Variants in MDGA2 observed in about 807,000 individuals in gnomAD.
MDGA2 encodes the protein MAM domain-containing glycosylphosphatidylinositol anchor protein 2.
In MDGA2, 40 loss-of-function variants were observed where a neutral mutation model predicts 117.8. The observed-to-expected ratio is 0.34, with a 90% CI of 0.26 to 0.44. The LOEUF (loss-of-function observed/expected upper bound fraction) is 0.44, where lower values mean the gene tolerates loss of function less well. Among genes scored for constraint, MDGA2 ranks in the 20% least tolerant of loss-of-function variants. MDGA2 has a pLI of 1.00. For missense variants in MDGA2, 1,123 were observed against 1,250.6 expected, an observed-to-expected ratio of 0.90 and a Z score of 1.54; for synonymous variants, 452 against 439.0, an observed-to-expected ratio of 1.03 and a Z score of -0.37.
intron 1 of MDGA2, among the ~76,000 whole-genome samples, chr14:47,363,397 A>G (rs1436970792): frequency 6.6e-6 from 1 of 152,058 alleles, no homozygotes; most frequent in African/African-American, 2.4e-5. Flanking sequence ...AGCTGGGATT[A>G]CAGGCACACA....
chr14:46,995,481 T>C (rs969997630), intron 8 of MDGA2, among the ~76,000 whole-genome samples: 2 of 152,170 alleles, frequency 1.3e-5, no homozygotes, highest in Non-Finnish European at 2.9e-5. Context: ...AGGAAGTTAA[T>C]GAATTACAAT....
intron 5 of MDGA2, among the ~76,000 whole-genome samples, chr14:47,113,812 C>G (rs186098860): frequency 6.6e-6 from 1 of 152,066 alleles, no homozygotes; most frequent in Non-Finnish European, 1.5e-5. Context: ...ACTGAATGGG[C>G]AAAAGCTGGA....
intron 6 of MDGA2, among the ~76,000 whole-genome samples, chr14:47,085,153 T>C (rs1331480417): frequency 6.6e-6 from 1 of 152,044 alleles, no homozygotes; most frequent in African/African-American, 2.4e-5. Flanking sequence ...ATACAGTTAA[T>C]AGTATACCTA....
At chr14:47,461,269 A>ATGTGTGTATGTGTGTG (rs1555324401) in intron 1 of MDGA2, among the ~76,000 whole-genome samples, 26 of 142,946 alleles carry the variant, frequency 1.8e-4, no homozygotes, top group Middle Eastern at 3.6e-3. Flanking sequence ...AAAAAAATGT[A>ATGTGTGTATGTGTGTG]TGTGTGTGTG....
Position 47,168,697 on chromosome 14 carries a change from A to G in MDGA2, c.596-24423T>C, listed in dbSNP as rs1883993448. Among the ~76,000 whole-genome samples the G allele has an allele frequency of 2.0e-5, 3 of 152,094 alleles. No homozygotes were observed. In the South Asian group the frequency reaches 6.2e-4, roughly 32 times the overall value. The stretch of plus-strand genomic sequence containing the variant: ...TTAGATTCTGATAGAGCTATCAACC[A>G]AGTTCATTTTAAGAAACTGCCTCAA... On this transcript the variant is annotated intron_variant, in intron 3 of 16. Transcript: ENST00000399232.
At chr14:47,532,726 T>A (rs1318404641) in intron 1 of MDGA2, among the ~76,000 whole-genome samples, 2 of 152,224 alleles carry the variant, frequency 1.3e-5, no homozygotes, top group Non-Finnish European at 2.9e-5. Flanking sequence ...TAAAACTTTT[T>A]ATTGCTGCCA....
intron 11 of MDGA2, among the ~76,000 whole-genome samples, chr14:46,879,932 GC>G (rs1415587069): frequency 6.6e-6 from 1 of 152,040 alleles, no homozygotes; most frequent in Non-Finnish European, 1.5e-5. Context: ...TTCCCCTTAA[GC>G]AGGAAACGTA....
intron 6 of MDGA2, among the ~76,000 whole-genome samples, chr14:47,082,712 A>C (rs1566613660): frequency 6.6e-6 from 1 of 152,192 alleles, no homozygotes; most frequent in Middle Eastern, 3.4e-3. Flanking sequence ...TCAAGAGAGA[A>C]GACAAAGAAA....
chr14:47,262,166 C>T (rs191212314), intron 2 of MDGA2, among the ~76,000 whole-genome samples: 1 of 152,234 alleles, frequency 6.6e-6, no homozygotes, highest in East Asian at 1.9e-4. Context: ...TCAGAAAGAA[C>T]AGGCTAAGGC....
intron 1 of MDGA2, among the ~76,000 whole-genome samples, chr14:47,402,500 G>A (rs1892175326): frequency 6.6e-6 from 1 of 152,098 alleles, no homozygotes; most frequent in Admixed American, 6.5e-5. Context: ...TCCTTCCAAT[G>A]AAATGCTATA....
chr14:47,156,157 C>G (rs1040378772), intron 3 of MDGA2, among the ~76,000 whole-genome samples: 2 of 151,898 alleles, frequency 1.3e-5, no homozygotes, highest in Non-Finnish European at 2.9e-5. Context: ...GATCTGCCCA[C>G]CTTAGCCTCC....
chr14:47,058,495 G>T, intron 7 of MDGA2: 1 of 979,626 alleles, frequency 1.0e-6, no homozygotes, highest in Non-Finnish European at 1.2e-6. Flanking sequence ...ATCCTCCAGG[G>T]TTCATAAAAT....
chr14:47,395,573 AT>A (rs1891990436), intron 1 of MDGA2, among the ~76,000 whole-genome samples: 1 of 152,172 alleles, frequency 6.6e-6, no homozygotes, highest in Non-Finnish European at 1.5e-5. Flanking sequence ...AAATGATGTT[AT>A]TCAATATGAA....
intron 2 of MDGA2, among the ~76,000 whole-genome samples, chr14:47,271,494 G>A (rs963089208): frequency 5.9e-5 from 9 of 152,108 alleles, no homozygotes; most frequent in African/African-American, 9.7e-5. Context: ...TGAGAATTGC[G>A]TATAAGTAGA....
chr14:46,962,695 A>AAACAT (rs1370461126), intron 8 of MDGA2, among the ~76,000 whole-genome samples: 3 of 152,198 alleles, frequency 2.0e-5, no homozygotes, highest in African/African-American at 7.2e-5. Context: ...ACATGCCTAG[A>AAACAT]AACATGTATC....
intron 1 of MDGA2, among the ~76,000 whole-genome samples, chr14:47,513,708 T>C (rs1050361124): frequency 4.6e-5 from 7 of 152,206 alleles, no homozygotes; most frequent in Admixed American, 6.5e-5. Context: ...GAGAGTGAAA[T>C]TTAAGAAACT....
chr14:47,536,612 A>G (rs563563988), intron 1 of MDGA2, among the ~76,000 whole-genome samples: 2 of 152,258 alleles, frequency 1.3e-5, no homozygotes, highest in Non-Finnish European at 2.9e-5. Flanking sequence ...TACCGTTGTA[A>G]GAAATAATTG....
intron 1 of MDGA2, among the ~76,000 whole-genome samples, chr14:47,380,724 C>T (rs1042466299): frequency 6.6e-6 from 1 of 151,850 alleles, no homozygotes; most frequent in African/African-American, 2.4e-5. Flanking sequence ...AATTAATAGC[C>T]TACCAACCAA....
At chr14:47,202,469 G>T (rs1885542984) in intron 3 of MDGA2, among the ~76,000 whole-genome samples, 1 of 152,022 alleles carries the variant, frequency 6.6e-6, no homozygotes, top group African/African-American at 2.4e-5. Flanking sequence ...CCCATGTGAA[G>T]GTCACAATGG....
Sources: allele counts gnomAD v4.1 joint callset (sites outside exome capture counted in the v4.1 genomes callset), GRCh38; gene constraint gnomAD v4.1.1; transcripts MANE v1.5; gene names NCBI Gene and HGNC (gene_info 2026-07-23, HGNC 2026-07-21).